The following KCNQ3 variants were observed in gnomAD, a reference collection of about 807,000 sequenced individuals.
KCNQ3 encodes potassium voltage-gated channel subfamily KQT member 3.
Under a neutral mutation model 92.5 loss-of-function variants are expected in KCNQ3, and 30 were observed. That is an observed-to-expected ratio of 0.32 (90% CI 0.24 to 0.44). KCNQ3 has a LOEUF of 0.44. KCNQ3 is among the 20% of genes least tolerant of loss of function. The pLI is 1.00. For synonymous variants in KCNQ3, 450 were observed against 468.8 expected (o/e 0.96, Z 0.52); for missense variants, 913 against 1,140.3 (o/e 0.80, Z 2.87).
intron 14 of KCNQ3, 97 bp downstream of exon 14, chr8:132,132,083 G>A (rs540356010): frequency 9.0e-5 from 78 of 868,084 alleles, no homozygotes; most frequent in East Asian, 1.9e-4. Context: ...GTGAACCTTC[G>A]TCTTAAAAAA....
intron 1 of KCNQ3, among the ~76,000 whole-genome samples, chr8:132,403,892 T>C (rs1462971803): frequency 6.6e-6 from 1 of 152,192 alleles, no homozygotes; most frequent in East Asian, 1.9e-4. Flanking sequence ...AAACATCCTG[T>C]AGCCTGTCTT....
chr8:132,258,009 A>T (rs569885796), intron 1 of KCNQ3, among the ~76,000 whole-genome samples: 1 of 152,328 alleles, frequency 6.6e-6, no homozygotes, highest in South Asian at 2.1e-4. Context: ...CCCAAAATAC[A>T]TCAAGTAAAA....
In KCNQ3 at chr8:132,129,753, A is replaced by G. The variant is rs181746838; in HGVS notation, c.2128T>C (p.Tyr710His). The G allele has an allele frequency of 3.8e-5, 61 of 1,614,084 alleles. No homozygotes were observed. The East Asian group carries it at 8.0e-4, about 21-fold the overall frequency. The change falls in exon 15 of 15, where the codon TAT becomes CAT. Residue 710 changes from tyrosine to histidine, a missense_variant. Around this residue, in one of 6 missense-constraint regions of KCNQ3, gnomAD observed 375 missense variants for 376.4 expected, o/e 1.00. Coordinates refer to ENST00000388996, the MANE Select transcript of KCNQ3 (RefSeq NM_004519.4). This position sits in a 1 kb window ranked among gnomAD's most constrained non-coding sequence, Gnocchi z 5.9. The stretch of plus-strand genomic sequence containing the variant: ...ACAGGGTCATGTGCAAAAAACCCAT[A>G]GGGGCTGACTTTGTCAATGGTCACC... ...HQVTIDKVSP[Y>H]GFFAHDPVNL...
At chr8:132,300,095 CT>C (rs1817167855) in intron 1 of KCNQ3, among the ~76,000 whole-genome samples, 1 of 152,178 alleles carries the variant, frequency 6.6e-6, no homozygotes, top group South Asian at 2.1e-4. Context: ...AATAACATGC[CT>C]GCAACACAGC....
intron 1 of KCNQ3, among the ~76,000 whole-genome samples, chr8:132,305,889 G>GTTCGT (rs1817406310): frequency 6.7e-6 from 1 of 150,244 alleles, no homozygotes; most frequent in African/African-American, 2.5e-5. Flanking sequence ...GTTTGTTTTT[G>GTTCGT]TTTGTTTTGT....
At chr8:132,207,921 TAA>T (rs762571946) in intron 1 of KCNQ3, among the ~76,000 whole-genome samples, 1,071 of 103,850 alleles carry the variant, frequency 0.01, 19 homozygotes, top group African/African-American at 0.034. Flanking sequence ...TGAGAGAGAT[TAA>T]AAAAAAAAAA....
At position 132,452,737 on chromosome 8, in the gene KCNQ3, G is replaced by A. The variant is rs139759901; in HGVS notation, c.386+27410C>T. 2.3e-3 allele frequency among the ~76,000 whole-genome samples: 345 copies of A among 152,256 alleles called. 1 individual carries two copies. In the Middle Eastern group the frequency reaches 0.024, roughly 11 times the overall value. ...ATGCTCCAATCTGTCAAGCATGATAGAGGATTCAGGTCATTTTCGGGCCAC... is the reference window on the plus strand; with the variant it reads ...ATGCTCCAATCTGTCAAGCATGATAAAGGATTCAGGTCATTTTCGGGCCAC... On this transcript the variant is annotated intron_variant, in intron 1 of 14. Coordinates refer to ENST00000388996, the MANE Select transcript of KCNQ3 (RefSeq NM_004519.4).
chr8:132,310,570 C>T (rs1817566377), intron 1 of KCNQ3, among the ~76,000 whole-genome samples: 5 of 152,172 alleles, frequency 3.3e-5, no homozygotes, highest in Middle Eastern at 3.2e-3. Context: ...GATGATGCTG[C>T]CCTCCCTGTA....
At chr8:132,183,689 T>C (rs377475777) in intron 3 of KCNQ3, among the ~76,000 whole-genome samples, 8 of 152,170 alleles carry the variant, frequency 5.3e-5, no homozygotes, top group Non-Finnish European at 7.4e-5. Context: ...AAGGCAACCA[T>C]TGGATTAAGA....
At chr8:132,405,963 T>C (rs1043042732) in intron 1 of KCNQ3, among the ~76,000 whole-genome samples, 5 of 152,138 alleles carry the variant, frequency 3.3e-5, no homozygotes, top group African/African-American at 7.2e-5. Context: ...AACTAAGCAG[T>C]CAGCCACAGA....
chr8:132,380,931 G>GAAAAAAAAAAA (rs553931640), intron 1 of KCNQ3, among the ~76,000 whole-genome samples: 2 of 87,476 alleles, frequency 2.3e-5, no homozygotes, highest in African/African-American at 3.7e-5. Context: ...AATGAAAGCA[G>GAAAAAAAAAAA]AAAAAAAAAA....
chr8:132,383,961 A>G (rs1385787565), intron 1 of KCNQ3, among the ~76,000 whole-genome samples: 1 of 152,192 alleles, frequency 6.6e-6, no homozygotes, highest in Non-Finnish European at 1.5e-5. Flanking sequence ...AGAGTTTCTG[A>G]GTTAAGTCTT....
At chr8:132,458,677 A>T (rs2130856389) in intron 1 of KCNQ3, among the ~76,000 whole-genome samples, 1 of 151,952 alleles carries the variant, frequency 6.6e-6, no homozygotes, top group Middle Eastern at 3.4e-3. Context: ...CTGGTCTCGA[A>T]CTCCTGATCT....
intron 1 of KCNQ3, among the ~76,000 whole-genome samples, chr8:132,444,751 G>A (rs1030250315): frequency 4.6e-5 from 7 of 152,220 alleles, no homozygotes; most frequent in Admixed American, 6.5e-5. Flanking sequence ...TGCAGAGAGC[G>A]TGGGATTTGG....
chr8:132,183,540 T>TA (rs57037254), intron 3 of KCNQ3, among the ~76,000 whole-genome samples: 45,216 of 152,066 alleles, frequency 0.3, 7,855 homozygotes, highest in Middle Eastern at 0.43. Flanking sequence ...CCAAGACTCC[T>TA]ACCTGTCACT....
chr8:132,447,301 G>C (rs1227049231), intron 1 of KCNQ3: 1 of 1,480,096 alleles, frequency 6.8e-7, no homozygotes, highest in East Asian at 2.5e-5. Context: ...AAGCAGGGCA[G>C]AATGGGCAGA....
intron 9 of KCNQ3, among the ~76,000 whole-genome samples, chr8:132,159,657 T>C (rs958110719): frequency 3.9e-5 from 6 of 152,176 alleles, no homozygotes; most frequent in African/African-American, 1.2e-4. Context: ...AGTAAAATTA[T>C]CACAAAAAGA....
At chr8:132,292,025 A>T (rs1043002683) in intron 1 of KCNQ3, among the ~76,000 whole-genome samples, 1 of 152,212 alleles carries the variant, frequency 6.6e-6, no homozygotes, top group African/African-American at 2.4e-5. Flanking sequence ...GAATGCCAGA[A>T]ATTGTTCATT....
intron 1 of KCNQ3, among the ~76,000 whole-genome samples, chr8:132,325,008 G>T (rs548542796): frequency 1.3e-4 from 19 of 149,014 alleles, no homozygotes; most frequent in South Asian, 1.1e-3. Context: ...TTCTTTTTAA[G>T]AAAAAATAAA....
Sources: gnomAD v4.1 joint callset for allele counts (sites outside exome capture counted in the v4.1 genomes callset) on GRCh38, gnomAD v4.1.1 for gene constraint, gnomAD v4.1.1 regional missense constraint, Gnocchi (gnomAD v3.1) non-coding constraint, MANE v1.5 for transcripts, NCBI Gene and HGNC (gene_info 2026-07-23, HGNC 2026-07-21) for gene names.